The following FRMD4B variants were observed in gnomAD, a reference collection of about 807,000 sequenced individuals.
FRMD4B encodes the protein FERM domain containing 4B.
FRMD4B carries 74 observed loss-of-function variants against 141.5 expected under a neutral mutation model. The observed-to-expected ratio is 0.52, with a 90% CI of 0.43 to 0.63. FRMD4B has a LOEUF of 0.63. Ranked by LOEUF, FRMD4B falls within the 30% of genes least tolerant of loss-of-function variation. The pLI is 0.00. For synonymous variants in FRMD4B, 506 were observed against 467.9 expected, an observed-to-expected ratio of 1.08 and a Z score of -1.05; for missense variants, 1,366 against 1,253.4, an observed-to-expected ratio of 1.09 and a Z score of -1.36.
intron 1 of FRMD4B, among the ~76,000 whole-genome samples, chr3:69,442,256 A>T (rs1705353448): frequency 6.6e-6 from 1 of 151,748 alleles, no homozygotes; most frequent in African/African-American, 2.4e-5. Flanking sequence ...TAATTTTTAA[A>T]TTTTTTTTAG....
At chr3:69,321,010 A>C (rs1307609235) in intron 1 of FRMD4B, 1 of 152,324 alleles carries the variant, frequency 6.6e-6, no homozygotes, top group East Asian at 1.9e-4. Flanking sequence ...GGAAGATCAG[A>C]AGGGAAGTAA....
intron 19 of FRMD4B, among the ~76,000 whole-genome samples, 199 bp downstream of exon 19, chr3:69,187,571 A>ATATATATATG (rs1274732708): frequency 6.8e-6 from 1 of 146,818 alleles, no homozygotes; most frequent in Non-Finnish European, 1.5e-5. Flanking sequence ...ATATATACAT[A>ATATATATATG]TATATATATG....
At chr3:69,389,124 C>A (rs1704330158), upstream of FRMD4B, among the ~76,000 whole-genome samples, 1 of 151,644 alleles carries the variant, frequency 6.6e-6, no homozygotes, top group African/African-American at 2.4e-5. Flanking sequence ...ACCTCCGCCT[C>A]CCGGGTTCAA....
rs1041932991 is a variant in FRMD4B at position 69,169,672 on chromosome 3, T to C, written c.*2189A>G. ...ATGCCTGGCCCTGAGCTTCCATTTC[T>C]ATACCTTCTTTTCCTCTGTGGGAGC... On this transcript the variant is annotated 3_prime_UTR_variant, in exon 23 of 23. Transcript: ENST00000398540. Among the ~76,000 whole-genome samples the C allele has an allele frequency of 6.6e-6, 1 of 152,108 alleles. No homozygotes were observed. Among genetic ancestry groups the C allele is most frequent in the South Asian group, 2.1e-4 (1 of 4,822 alleles).
chr3:69,310,633 C>T (rs1405450886), intron 3 of FRMD4B: 28 of 312,512 alleles, frequency 9.0e-5, no homozygotes, highest in Non-Finnish European at 1.7e-4. Flanking sequence ...TAAATCCAAA[C>T]ACATTTGCTT....
chr3:69,241,915 C>G (rs1217058897), intron 7 of FRMD4B, among the ~76,000 whole-genome samples: 1 of 151,718 alleles, frequency 6.6e-6, no homozygotes, highest in African/African-American at 2.4e-5. Flanking sequence ...CCCCAAAAAA[C>G]AAAAAAGGAA....
intron 3 of FRMD4B, among the ~76,000 whole-genome samples, chr3:69,303,091 A>G (rs1320944858): frequency 6.6e-6 from 1 of 152,166 alleles, no homozygotes; most frequent in African/African-American, 2.4e-5. Flanking sequence ...CTAAAAAATA[A>G]ACAAACAAAA....
At chr3:69,253,900 T>A (rs2093477896) in intron 5 of FRMD4B, among the ~76,000 whole-genome samples, 1 of 151,936 alleles carries the variant, frequency 6.6e-6, no homozygotes, top group Non-Finnish European at 1.5e-5. Flanking sequence ...TCACGCACCA[T>A]AGCGAAACCC....
intron 7 of FRMD4B, 23 bp downstream of exon 7, chr3:69,249,203 A>G (rs1478591425): frequency 6.8e-7 from 1 of 1,477,750 alleles, no homozygotes; most frequent in Admixed American, 1.8e-5. Flanking sequence ...TTGCATAGTA[A>G]TATCAGAAAA....
intron 1 of FRMD4B, among the ~76,000 whole-genome samples, chr3:69,433,511 G>A (rs372529391): frequency 2.5e-4 from 38 of 152,254 alleles, no homozygotes; most frequent in Middle Eastern, 6.8e-3. Flanking sequence ...CATCCGCTTG[G>A]CACCTCCCCA....
intron 1 of FRMD4B, among the ~76,000 whole-genome samples, chr3:69,533,304 T>G (rs1224143894): frequency 2.0e-5 from 3 of 152,186 alleles, no homozygotes; most frequent in African/African-American, 7.2e-5. Context: ...AAGCAGAGAC[T>G]CTTGCAACAT....
intron 8 of FRMD4B, among the ~76,000 whole-genome samples, chr3:69,224,394 A>G (rs967414215): frequency 6.6e-6 from 1 of 152,222 alleles, no homozygotes; most frequent in Non-Finnish European, 1.5e-5. Flanking sequence ...CTCTTTGCAA[A>G]TGACTGCAAG....
chr3:69,276,369 C>G (rs2093617889), intron 5 of FRMD4B, among the ~76,000 whole-genome samples: 1 of 152,022 alleles, frequency 6.6e-6, no homozygotes, highest in Non-Finnish European at 1.5e-5. Flanking sequence ...AATTCCTGGG[C>G]TCAAGTGATC....
In FRMD4B at chr3:69,249,119, C is replaced by G. The variant is rs115591959; in HGVS notation, c.581+107G>C. ...GAAGAGATCTCAGTCTCCTGCCTTA[C>G]AGATCTACTTTCCTTTGATTTTGTA... On this transcript the variant is annotated intron_variant, in intron 7 of 22. Coordinates refer to ENST00000398540, the MANE Select transcript of FRMD4B (RefSeq NM_015123.3). 4,691 of 695,274 alleles carry G rather than the reference C, an allele frequency of 6.7e-3. 159 individuals carry two copies. The African/African-American group carries it at 0.078, about 12-fold the overall frequency. 43.1% of individuals were successfully genotyped at this position (695,274 alleles called of 1,614,324 possible). A position where few individuals can be genotyped will look rare whatever the true frequency, so the allele number is the denominator to read the frequency against.
At chr3:69,536,479 G>A (rs573909202) in intron 1 of FRMD4B, 8 of 698,500 alleles carry the variant, frequency 1.1e-5, no homozygotes, top group African/African-American at 3.5e-5. Context: ...GACGGCCACC[G>A]CCAACGTGCC....
intron 1 of FRMD4B, among the ~76,000 whole-genome samples, chr3:69,441,089 C>T (rs1705334421): frequency 6.6e-6 from 1 of 152,100 alleles, no homozygotes; most frequent in Non-Finnish European, 1.5e-5. Context: ...CTGAAGATAG[C>T]AAATCATCCC....
intron 9 of FRMD4B, among the ~76,000 whole-genome samples, chr3:69,219,059 G>A (rs1432450356): frequency 2.0e-5 from 3 of 151,452 alleles, no homozygotes; most frequent in Non-Finnish European, 4.4e-5. Flanking sequence ...CAGCTATATG[G>A]GAGGCTGAGG....
intron 1 of FRMD4B, among the ~76,000 whole-genome samples, chr3:69,463,004 C>T (rs886943742): frequency 6.6e-6 from 1 of 152,224 alleles, no homozygotes; most frequent in Non-Finnish European, 1.5e-5. Flanking sequence ...TTCACACTCA[C>T]ACCTGCTTCC....
intron 1 of FRMD4B, among the ~76,000 whole-genome samples, chr3:69,453,108 T>C (rs1575807045): frequency 6.6e-6 from 1 of 152,060 alleles, no homozygotes; most frequent in African/African-American, 2.4e-5. Context: ...TCCAGAAGTG[T>C]GGGGATGGGA....
Sources: gnomAD v4.1 joint callset for allele counts (sites outside exome capture counted in the v4.1 genomes callset) on GRCh38, gnomAD v4.1.1 for gene constraint, MANE v1.5 for transcripts, NCBI Gene and HGNC (gene_info 2026-07-23, HGNC 2026-07-21) for gene names.